NUP43: variants seen among roughly 807,000 people sequenced by gnomAD.
NUP43 encodes nucleoporin Nup43.
NUP43 carries 32 observed loss-of-function variants against 47.3 expected under a neutral mutation model. The ratio of observed to expected loss-of-function variants is 0.68; its 90% confidence interval spans 0.51 to 0.91. NUP43 has a LOEUF of 0.91. NUP43 is among the 40% of genes least tolerant of loss of function. The probability of loss-of-function intolerance (pLI) is 0.00; values close to 1 mark genes in which losing one functional copy is unlikely to be tolerated. For missense variants in NUP43, 444 were observed against 453.9 expected, an observed-to-expected ratio of 0.98 and a Z score of 0.20; for synonymous variants, 147 against 158.4, an observed-to-expected ratio of 0.93 and a Z score of 0.54.
rs371230569 is a variant in NUP43, at chr6:149,727,354, G to A, written c.914-156C>T. 220 of 979,584 alleles carry A rather than the reference G, an allele frequency of 2.2e-4. 2 individuals are homozygous for A. The South Asian group carries it at 9.8e-3, about 44-fold the overall frequency. 60.7% of individuals were successfully genotyped at this position (979,584 alleles called of 1,614,324 possible). On this transcript the variant is annotated intron_variant, in intron 7 of 7. Transcript: ENST00000340413. Reference sequence around the variant, plus strand: ...TTCCATTATTATACATCACCACTTTGGACCAAAGGCTTATTCAGTGATATT... The same window carrying A: ...TTCCATTATTATACATCACCACTTTAGACCAAAGGCTTATTCAGTGATATT...
In NUP43 at chr6:149,726,964, T is replaced by C. The variant is rs373503436; in HGVS notation, c.*5A>G. ...TCTATCTGAAATCTTATAATTATAG[T>C]ACTTCTACGAAAAAAGATGTCTAGT... is the stretch of plus-strand genomic sequence containing the variant. On this transcript the variant is annotated 3_prime_UTR_variant, in exon 8 of 8. Coordinates refer to ENST00000340413, the MANE Select transcript of NUP43 (RefSeq NM_198887.3). 450 of 1,601,834 alleles carry C rather than the reference T, an allele frequency of 2.8e-4. 1 individual carries two copies. The highest frequency in any genetic ancestry group is 3.4e-4 in the Non-Finnish European group (400 of 1,169,218).
intron 1 of NUP43, 79 bp from the exon 2 acceptor site, chr6:149,746,141 A>G (rs748814984): frequency 3.5e-5 from 53 of 1,511,656 alleles, no homozygotes; most frequent in Admixed American, 1.6e-4. Flanking sequence ...CCGTCCGGAA[A>G]TGTTGCTCCA....
At chr6:149,735,147 T>C (rs896231251) in intron 6 of NUP43, among the ~76,000 whole-genome samples, 1 of 152,002 alleles carries the variant, frequency 6.6e-6, no homozygotes, top group Non-Finnish European at 1.5e-5. Flanking sequence ...ACTACAGCCT[T>C]GAATTCCTGG....
At chr6:149,739,328 C>A (rs1172819724) in intron 4 of NUP43, among the ~76,000 whole-genome samples, 1 of 151,904 alleles carries the variant, frequency 6.6e-6, no homozygotes, top group Non-Finnish European at 1.5e-5. Flanking sequence ...GCTCTGTCAC[C>A]CAGGCTAGAG....
chr6:149,724,408 T>C lies in NUP43; in HGVS notation c.*2561A>G, dbSNP rs140861209. The C allele has an allele frequency of 6.6e-6, 1 of 150,766 alleles. No homozygotes were observed. Among genetic ancestry groups the C allele is most frequent in the Non-Finnish European group, 1.5e-5 (1 of 67,828 alleles). The allele number at this position is 150,766 out of a possible 1,614,324, so 9.3% of individuals were successfully genotyped here. The stretch of plus-strand genomic sequence containing the variant: ...CAGATTCGAACATAACAACTGGTGA[T>C]TGGCTCATCTCACAGGCTCACATCA... On this transcript the variant is annotated 3_prime_UTR_variant, in exon 8 of 8. Coordinates refer to ENST00000340413, the MANE Select transcript of NUP43 (RefSeq NM_198887.3).
intron 7 of NUP43, chr6:149,727,771 A>G: frequency 5.1e-6 from 5 of 983,862 alleles, no homozygotes; most frequent in Non-Finnish European, 6.0e-6. Flanking sequence ...CTACTAGATT[A>G]TAAGGTTTTA....
chr6:149,745,451 G>C (rs1785932241), intron 2 of NUP43, among the ~76,000 whole-genome samples: 1 of 151,158 alleles, frequency 6.6e-6, no homozygotes, highest in Non-Finnish European at 1.5e-5. Context: ...ACTCATTACT[G>C]GTTTTGAGAC....
intron 2 of NUP43, among the ~76,000 whole-genome samples, chr6:149,744,538 A>G (rs1332773321): frequency 6.7e-6 from 1 of 149,556 alleles, no homozygotes; most frequent in Non-Finnish European, 1.5e-5. Context: ...GAAAAAAAAA[A>G]AAGGAAAGGA....
rs754376500 is a variant in NUP43 at position 149,731,717 on chromosome 6, T to A, written c.809A>T (p.His270Leu). 1 of 1,613,836 alleles carries A rather than the reference T, an allele frequency of 6.2e-7. No homozygotes were observed. Among genetic ancestry groups the A allele is most frequent in the East Asian group, 2.2e-5 (1 of 44,868 alleles). ...HEAEMWEVHF[H>L]PSNPEHLFTC... ...AAAAAGATGTTCTGGGTTGGATGGG[T>A]GAAAGTGAACTTCCCACACTAAGAG... Residue 270 changes from histidine (H) to leucine (L), a missense_variant, in exon 7 of 8, where the codon CAC (histidine) becomes CTC (leucine). His to Leu is a moderately conservative substitution (Grantham distance 99). Transcript: ENST00000340413.
At chr6:149,745,439 C>CCACT (rs1474954671) in intron 2 of NUP43, among the ~76,000 whole-genome samples, 3 of 151,686 alleles carry the variant, frequency 2.0e-5, no homozygotes, top group Non-Finnish European at 1.5e-5. Flanking sequence ...TTCATCCCCA[C>CCACT]CACTCATTAC....
Position 149,725,693 on chromosome 6 carries a change from T to C in NUP43, c.*1276A>G, listed in dbSNP as rs529636196. The C allele has an allele frequency of 3.9e-5, 6 of 152,336 alleles. No individual in the cohort carries two copies. The highest frequency in any genetic ancestry group is 9.6e-5 in the African/African-American group (4 of 41,594). The allele number at this position is 152,336 out of a possible 1,614,324, so 9.4% of individuals were successfully genotyped here. On this transcript the variant is annotated 3_prime_UTR_variant, in exon 8 of 8. Transcript: ENST00000340413. ...GTAAATGAACACTTCAATTGTCTAATAGCAGTGATTTGTCATTAAGGTCTC... is the reference window on the plus strand; with the variant it reads ...GTAAATGAACACTTCAATTGTCTAACAGCAGTGATTTGTCATTAAGGTCTC...
chr6:149,744,531 A>G (rs897477164), intron 2 of NUP43, among the ~76,000 whole-genome samples: 9 of 151,094 alleles, frequency 6.0e-5, no homozygotes, highest in Non-Finnish European at 1.3e-4. Flanking sequence ...TAAAAAAGAA[A>G]AAAAAAAAAG....
At position 149,745,975 on chromosome 6, in the gene NUP43, C is replaced by G. The variant is rs200569726; in HGVS notation, c.208G>C (p.Asp70His). 4 of 1,613,420 alleles carry G rather than the reference C, an allele frequency of 2.5e-6. No homozygotes were observed. The highest frequency in any genetic ancestry group is 3.4e-6 in the Non-Finnish European group (4 of 1,179,640). Residue 70 changes from aspartate to histidine, a missense_variant, in exon 2 of 8, where the codon GAT becomes CAT. Physicochemically the swap from Asp to His is moderately conservative, Grantham distance 81. Transcript: ENST00000340413. The part of the protein sequence containing the change: ...GFEGDHQLLC[D>H]IRHHGDVMDL... ...ATTACATCACCATGGTGTCTGATAT[C>G]ACACAATAACTGATGGTCTCCTTCA...
intron 4 of NUP43, 79 bp from the exon 5 acceptor site, chr6:149,738,857 A>G (rs1785497956): frequency 6.7e-6 from 5 of 745,880 alleles, no homozygotes; most frequent in Non-Finnish European, 9.9e-6. Flanking sequence ...CACTCCTTTC[A>G]TGGATTGATA....
Position 149,726,914 on chromosome 6 carries a change from G to A in NUP43, c.*55C>T, listed in dbSNP as rs763384458. 17 of 1,391,520 alleles carry A rather than the reference G, an allele frequency of 1.2e-5. No homozygotes were observed. Among genetic ancestry groups the A allele is most frequent in the African/African-American group, 7.3e-5 (5 of 68,936 alleles). 86.2% of individuals were successfully genotyped at this position (1,391,520 alleles called of 1,614,324 possible). ...GATACTAAAATTTTGCACAGAAGTT[G>A]GATTTCAAAAGGCTAATTGCATGTT... On this transcript the variant is annotated 3_prime_UTR_variant, in exon 8 of 8. Coordinates refer to ENST00000340413, the MANE Select transcript of NUP43 (RefSeq NM_198887.3).
At chr6:149,727,289 G>A in intron 7 of NUP43, 91 bp from the exon 8 acceptor site, 4 of 1,474,198 alleles carry the variant, frequency 2.7e-6, no homozygotes, top group Non-Finnish European at 3.6e-6. Flanking sequence ...GAAAGGTGAT[G>A]ATATCAATGT....
Position 149,743,722 on chromosome 6 carries a change from A to G in NUP43, c.244-7T>C. 4 of 1,589,178 alleles carry G rather than the reference A, an allele frequency of 2.5e-6. No homozygotes were observed. The highest frequency in any genetic ancestry group is 3.4e-6 in the Non-Finnish European group (4 of 1,160,324). ...TTCTTTCCTGGTCAAAAAACTAAAG[A>G]GAAAATTTCTGCTTGTTAAAGATTC... is the stretch of plus-strand genomic sequence containing the variant. On this transcript the variant is annotated splice_polypyrimidine_tract_variant and splice_region_variant and intron_variant, in intron 2 of 7. Transcript: ENST00000340413.
chr6:149,739,385 C>G (rs1785532010), intron 4 of NUP43, among the ~76,000 whole-genome samples: 1 of 152,148 alleles, frequency 6.6e-6, no homozygotes, highest in Non-Finnish European at 1.5e-5. Flanking sequence ...CTCCCAGGTT[C>G]AAGCGATTCT....
chr6:149,730,383 G>A (rs1784975703), intron 7 of NUP43, among the ~76,000 whole-genome samples: 2 of 152,120 alleles, frequency 1.3e-5, no homozygotes, highest in African/African-American at 4.8e-5. Flanking sequence ...ACACAAACTT[G>A]GCAATGCAAT....
Sources: allele counts gnomAD v4.1 joint callset (sites outside exome capture counted in the v4.1 genomes callset), GRCh38; gene constraint gnomAD v4.1.1; transcripts MANE v1.5; gene names NCBI Gene and HGNC (gene_info 2026-07-23, HGNC 2026-07-21).